The following COG6 variants were observed in gnomAD, a reference collection of about 807,000 sequenced individuals.
COG6 encodes the protein component of oligomeric golgi complex 6.
In COG6, 74 loss-of-function variants were observed where a neutral mutation model predicts 88.8. That is an observed-to-expected ratio of 0.83 (90% CI 0.69 to 1.01). The LOEUF is 1.01. COG6 is among the 50% of genes least tolerant of loss of function. COG6 has a pLI of 0.00. For synonymous variants in COG6, 286 were observed against 278.7 expected (o/e 1.03, Z -0.26); for missense variants, 800 against 797.9 (o/e 1.00, Z -0.03).
intron 18 of COG6, among the ~76,000 whole-genome samples, chr13:39,777,257 T>C (rs1410118751): frequency 6.6e-6 from 1 of 152,080 alleles, no homozygotes; most frequent in Admixed American, 6.5e-5. Context: ...TTCAGAGTCA[T>C]CCTGGAGCAC....
At chr13:39,704,272 C>T (rs987805846) in intron 13 of COG6, among the ~76,000 whole-genome samples, 1 of 152,082 alleles carries the variant, frequency 6.6e-6, no homozygotes, top group Non-Finnish European at 1.5e-5. Flanking sequence ...ATGCTGACCC[C>T]TGTGAAGTTG....
chr13:39,663,077 A>G (rs1875010757), intron 3 of COG6, among the ~76,000 whole-genome samples: 1 of 100,350 alleles, frequency 1.0e-5, no homozygotes, highest in South Asian at 3.6e-4. Context: ...TTTTCCTTGC[A>G]TATGTTTAAA....
chr13:39,704,248 A>G (rs1240362306), intron 13 of COG6, among the ~76,000 whole-genome samples: 9 of 152,172 alleles, frequency 5.9e-5, no homozygotes, highest in Non-Finnish European at 1.2e-4. Flanking sequence ...CTCCTGAACA[A>G]CATGGGAGTT....
chr13:39,769,007 GT>G (rs1413933403), intron 18 of COG6, among the ~76,000 whole-genome samples: 1 of 152,052 alleles, frequency 6.6e-6, no homozygotes, highest in African/African-American at 2.4e-5. Flanking sequence ...CTTCTGTAAT[GT>G]TTTTTCCCCA....
chr13:39,716,823 T>G (rs547085312), intron 13 of COG6, among the ~76,000 whole-genome samples: 1 of 152,332 alleles, frequency 6.6e-6, no homozygotes, highest in East Asian at 1.9e-4. Flanking sequence ...CTTATTACAT[T>G]GTATGCCCAT....
chr13:39,754,215 T>C (rs898046359), downstream of COG6, among the ~76,000 whole-genome samples: 1 of 152,182 alleles, frequency 6.6e-6, no homozygotes, highest in Non-Finnish European at 1.5e-5. Context: ...TCCTGGATAC[T>C]TTTTTGTTTT....
intron 18 of COG6, among the ~76,000 whole-genome samples, chr13:39,762,407 T>C (rs186862211): frequency 5.3e-5 from 8 of 152,024 alleles, no homozygotes; most frequent in Admixed American, 2.0e-4. Flanking sequence ...GGTTAATGGA[T>C]ACAAAAGTAC....
chr13:39,705,972 A>T (rs184615692), intron 13 of COG6, among the ~76,000 whole-genome samples: 68 of 151,834 alleles, frequency 4.5e-4, no homozygotes, highest in Middle Eastern at 3.4e-3. Context: ...AGAAAACCAA[A>T]TTTTTTTTAT....
chr13:39,779,358 C>G (rs571951365), intron 18 of COG6, among the ~76,000 whole-genome samples: 1 of 152,222 alleles, frequency 6.6e-6, no homozygotes, highest in South Asian at 2.1e-4. Flanking sequence ...TCACGTGTGT[C>G]TCTTAAATCG....
Position 39,719,236 on chromosome 13 carries a change from G to A in COG6, c.1285G>A (p.Val429Ile), listed in dbSNP as rs755342083. ...GTGGGTAAATCATCTCTTGTTTTAGGTTGAACTCCCACCACCTGATCTTGG... is the reference window on the plus strand; with the variant it reads ...GTGGGTAAATCATCTCTTGTTTTAGATTGAACTCCCACCACCTGATCTTGG... ...SLHASKLMDK[V>I]ELPPPDLGPS... The change falls in exon 14 of 19, where the codon GTT becomes ATT. Residue 429 changes from valine (V) to isoleucine (I), a missense_variant and splice_region_variant. Coordinates refer to ENST00000455146, the MANE Select transcript of COG6 (RefSeq NM_020751.3). The A allele has an allele frequency of 6.2e-7, 1 of 1,612,248 alleles. No individual in the cohort carries two copies. Among genetic ancestry groups the A allele is most frequent in the Non-Finnish European group, 8.5e-7 (1 of 1,178,806 alleles).
In COG6 at chr13:39,700,819, T is replaced by C. The variant is rs185046648; in HGVS notation, c.1284+1201T>C. On this transcript the variant is annotated intron_variant, in intron 13 of 18. Coordinates refer to ENST00000455146, the MANE Select transcript of COG6 (RefSeq NM_020751.3). ...AGGAGGAGTATATTTAGCAAACTTA[T>C]CTGTACTCCTTTACAGAGAGGAAGC... Among the ~76,000 whole-genome samples the C allele has an allele frequency of 2.4e-4, 36 of 151,954 alleles. No homozygotes were observed. In the East Asian group the frequency reaches 6.0e-3, roughly 25 times the overall value.
At chr13:39,755,884 T>G (rs1880818674), downstream of COG6, among the ~76,000 whole-genome samples, 1 of 152,162 alleles carries the variant, frequency 6.6e-6, no homozygotes, top group South Asian at 2.1e-4. Flanking sequence ...TGGTTACACA[T>G]GACAAAGAAT....
chr13:39,679,424 G>C, intron 5 of COG6, 114 bp from the exon 6 acceptor site: 1 of 723,104 alleles, frequency 1.4e-6, no homozygotes, highest in South Asian at 1.5e-5. Context: ...AGTATAGGAA[G>C]GCTTCCCTAA....
chr13:39,695,955 A>G (rs762693348), intron 12 of COG6, among the ~76,000 whole-genome samples: 1 of 151,996 alleles, frequency 6.6e-6, no homozygotes, highest in Non-Finnish European at 1.5e-5. Context: ...TGGTAAAATA[A>G]TTTTTAAAAT....
At chr13:39,670,071 T>G (rs1319475113) in intron 4 of COG6, among the ~76,000 whole-genome samples, 1 of 152,172 alleles carries the variant, frequency 6.6e-6, no homozygotes, top group African/African-American at 2.4e-5. Flanking sequence ...CAGACAAATG[T>G]ATGAATGATA....
chr13:39,679,853 A>G, intron 6 of COG6, 122 bp from the exon 7 acceptor site: 1 of 691,436 alleles, frequency 1.4e-6, no homozygotes. Context: ...TTATTGAAAA[A>G]TCATCCCATA....
chr13:39,688,968 T>C (rs1392217142), intron 10 of COG6, among the ~76,000 whole-genome samples: 3 of 152,306 alleles, frequency 2.0e-5, no homozygotes, highest in Non-Finnish European at 2.9e-5. Flanking sequence ...GTGTTACAAA[T>C]TGGTGGTAAT....
At chr13:39,755,432 C>G (rs1231333566), downstream of COG6, among the ~76,000 whole-genome samples, 1 of 152,016 alleles carries the variant, frequency 6.6e-6, no homozygotes, top group Non-Finnish European at 1.5e-5. Flanking sequence ...TCACCCTCTA[C>G]TGGGGTGGGG....
chr13:39,724,144 T>G (rs546754437), intron 16 of COG6, among the ~76,000 whole-genome samples: 6 of 152,168 alleles, frequency 3.9e-5, no homozygotes, highest in Admixed American at 2.6e-4. Flanking sequence ...TTTCTACCAG[T>G]AGGAACCAAT....
Sources: gnomAD v4.1 joint callset for allele counts (sites outside exome capture counted in the v4.1 genomes callset) on GRCh38, gnomAD v4.1.1 for gene constraint, MANE v1.5 for transcripts, NCBI Gene and HGNC (gene_info 2026-07-23, HGNC 2026-07-21) for gene names.